Variants in TNNC2 observed in about 807,000 individuals in gnomAD.
The protein encoded by TNNC2 is troponin C, skeletal muscle.
A neutral mutation model predicts 20.0 loss-of-function variants in TNNC2; 14 were observed. The ratio of observed to expected loss-of-function variants is 0.70; its 90% confidence interval spans 0.46 to 1.09. The LOEUF is 1.09. Ranked by LOEUF, TNNC2 falls within the 50% of genes least tolerant of loss-of-function variation. The pLI, the probability that TNNC2 is intolerant of heterozygous loss-of-function variation, is 0.00. For synonymous variants in TNNC2, 81 were observed against 77.3 expected, an observed-to-expected ratio of 1.05 and a Z score of -0.25; for missense variants, 163 against 223.8, an observed-to-expected ratio of 0.73 and a Z score of 1.73.
upstream of TNNC2, among the ~76,000 whole-genome samples, chr20:45,832,082 C>T (rs1983125087): frequency 6.6e-6 from 1 of 152,172 alleles, no homozygotes; most frequent in African/African-American, 2.4e-5. Flanking sequence ...GAGGTAGAGG[C>T]AGGTGGATCA....
At chr20:45,829,164 T>G (rs1378655887), upstream of TNNC2, among the ~76,000 whole-genome samples, 12 of 146,690 alleles carry the variant, frequency 8.2e-5, no homozygotes, top group South Asian at 2.2e-4. Context: ...TTTTTGGTTT[T>G]TTTTTTTTTT....
chr20:45,824,153 G>A, intron 4 of TNNC2, 26 bp from the exon 5 acceptor site: 1 of 1,610,916 alleles, frequency 6.2e-7, no homozygotes, highest in Non-Finnish European at 8.5e-7. Context: ...ACAGGGCAGG[G>A]CTCAGGGCCG....
chr20:45,828,209 T>TTTC (rs1277562939), upstream of TNNC2, among the ~76,000 whole-genome samples: 1 of 151,070 alleles, frequency 6.6e-6, no homozygotes, highest in Non-Finnish European at 1.5e-5. Context: ...TTTTTTTTTT[T>TTTC]TGTATTTTTA....
At chr20:45,831,898 C>G (rs1237642965), upstream of TNNC2, among the ~76,000 whole-genome samples, 1 of 152,204 alleles carries the variant, frequency 6.6e-6, no homozygotes, top group Admixed American at 6.5e-5. Context: ...TACCGAAGGA[C>G]AAGTTATTTT....
At chr20:45,831,612 A>G (rs1433855300), upstream of TNNC2, among the ~76,000 whole-genome samples, 1 of 152,150 alleles carries the variant, frequency 6.6e-6, no homozygotes, top group Non-Finnish European at 1.5e-5. Flanking sequence ...CTCAAAAAAA[A>G]TAAAATAAAT....
At chr20:45,827,358 C>G, upstream of TNNC2, 1 of 1,417,086 alleles carries the variant, frequency 7.1e-7, no homozygotes, top group Non-Finnish European at 9.8e-7. Context: ...GCACCCTCCC[C>G]TCCCACCTCC....
intron 1 of TNNC2, among the ~76,000 whole-genome samples, chr20:45,826,682 G>T (rs573292478): frequency 6.6e-6 from 1 of 152,184 alleles, no homozygotes; most frequent in Admixed American, 6.5e-5. Flanking sequence ...AGTGGGGAGG[G>T]GGATCTCAGA....
intron 2 of TNNC2, among the ~76,000 whole-genome samples, chr20:45,832,448 G>T (rs1983139325): frequency 6.6e-6 from 1 of 152,172 alleles, no homozygotes; most frequent in Non-Finnish European, 1.5e-5. Context: ...GACCATTAAT[G>T]TCCAGTTACA....
At chr20:45,824,888 C>T in intron 1 of TNNC2, 54 bp from the exon 2 acceptor site, 1 of 1,604,816 alleles carries the variant, frequency 6.2e-7, no homozygotes, top group Non-Finnish European at 8.5e-7. Flanking sequence ...AGAGCAGTTC[C>T]TCACCTCAAA....
chr20:45,830,335 C>CAA (rs781603612), upstream of TNNC2, among the ~76,000 whole-genome samples: 1,050 of 51,952 alleles, frequency 0.02, 29 homozygotes, highest in East Asian at 0.14. Context: ...GACTGCATCT[C>CAA]AAAAAAAAAA....
At chr20:45,826,830 G>A (rs765158988) in intron 1 of TNNC2, among the ~76,000 whole-genome samples, 40 of 152,238 alleles carry the variant, frequency 2.6e-4, no homozygotes, top group Middle Eastern at 3.4e-3. Context: ...ACGCCCTGCC[G>A]GCCTCCCGTC....
At chr20:45,832,928 G>C (rs1345836689) in intron 2 of TNNC2, among the ~76,000 whole-genome samples, 1 of 152,210 alleles carries the variant, frequency 6.6e-6, no homozygotes. Flanking sequence ...GATCACTTGA[G>C]CCCAGGAATT....
At chr20:45,830,462 T>TATCA (rs1983083216), upstream of TNNC2, among the ~76,000 whole-genome samples, 1 of 151,998 alleles carries the variant, frequency 6.6e-6, no homozygotes, top group Non-Finnish European at 1.5e-5. Context: ...TCTACTTCCC[T>TATCA]ATCATCTTTC....
chr20:45,824,711 C>T, intron 2 of TNNC2, 72 bp downstream of exon 2: 6 of 1,597,184 alleles, frequency 3.8e-6, no homozygotes, highest in Non-Finnish European at 5.1e-6. Flanking sequence ...CCCCCAACCC[C>T]CACCCTGCCT....
At chr20:45,824,886 T>C (rs1217566585) in intron 1 of TNNC2, 52 bp from the exon 2 acceptor site, 7 of 1,605,870 alleles carry the variant, frequency 4.4e-6, no homozygotes, top group African/African-American at 1.3e-5. Flanking sequence ...CCAGAGCAGT[T>C]CCTCACCTCA....
Position 45,823,426 on chromosome 20 carries a change from A to G in TNNC2, c.452-47T>C. The G allele has an allele frequency of 6.4e-7, 1 of 1,562,608 alleles. No homozygotes were observed. Among genetic ancestry groups the G allele is most frequent in the Non-Finnish European group, 8.7e-7 (1 of 1,150,658 alleles). ...GGGTCAGGGGTCCCACTGGGGACGC[A>G]GAGGCCAGGCCAGGGCTCCAGCCAC... On this transcript the variant is annotated intron_variant, in intron 5 of 5. Coordinates refer to ENST00000372555, the MANE Select transcript of TNNC2 (RefSeq NM_003279.3). The surrounding 1 kb of genome is among the most constrained non-coding windows in gnomAD (Gnocchi z 4.6).
chr20:45,829,931 A>G (rs576323227), upstream of TNNC2, among the ~76,000 whole-genome samples: 25 of 151,898 alleles, frequency 1.6e-4, no homozygotes, highest in Middle Eastern at 0.017. Context: ...TATTCAAGGG[A>G]TTAGGTAAGG....
At chr20:45,824,458 C>T (rs1221506514) in intron 3 of TNNC2, 37 bp downstream of exon 3, 1 of 1,612,262 alleles carries the variant, frequency 6.2e-7, no homozygotes. Context: ...TGCCGCCTCT[C>T]CCCACCATCC....
intron 1 of TNNC2, among the ~76,000 whole-genome samples, chr20:45,826,395 G>A (rs556796931): frequency 2.0e-5 from 3 of 152,308 alleles, no homozygotes; most frequent in South Asian, 2.1e-4. Flanking sequence ...ATGGGGGGCC[G>A]AATGTGATGG....
Sources: allele counts gnomAD v4.1 joint callset (sites outside exome capture counted in the v4.1 genomes callset), GRCh38; gene constraint gnomAD v4.1.1; non-coding constraint Gnocchi (gnomAD v3.1); transcripts MANE v1.5; gene names NCBI Gene and HGNC (gene_info 2026-07-23, HGNC 2026-07-21).